The following HIRA variants were observed in gnomAD, a reference collection of about 807,000 sequenced individuals.
HIRA encodes histone cell cycle regulator, also known as protein HIRA.
Under a neutral mutation model 126.6 loss-of-function variants are expected in HIRA, and 13 were observed. The observed-to-expected ratio is 0.10, with a 90% CI of 0.07 to 0.16. The LOEUF is 0.16. Ranked by LOEUF, HIRA falls within the 10% of genes least tolerant of loss-of-function variation. The pLI, the probability that HIRA is intolerant of heterozygous loss-of-function variation, is 1.00. For synonymous variants in HIRA, 511 were observed against 520.0 expected (o/e 0.98, Z 0.24); for missense variants, 834 against 1,314.4 (o/e 0.63, Z 5.65).
At chr22:19,379,305 C>T (rs968328161) in intron 13 of HIRA, among the ~76,000 whole-genome samples, 1 of 151,522 alleles carries the variant, frequency 6.6e-6, no homozygotes, top group East Asian at 2.0e-4. Context: ...AGCCACCGTG[C>T]CCGGCCGGCA....
intron 24 of HIRA, among the ~76,000 whole-genome samples, chr22:19,344,625 CTA>C (rs782131310): frequency 6.6e-6 from 1 of 152,104 alleles, no homozygotes; most frequent in Non-Finnish European, 1.5e-5. Flanking sequence ...GGAACACTTC[CTA>C]TTTCATTCTA....
intron 9 of HIRA, 94 bp from the exon 10 acceptor site, chr22:19,388,648 A>G (rs1424652022): frequency 1.1e-6 from 1 of 914,110 alleles, no homozygotes; most frequent in African/African-American, 1.6e-5. Context: ...AGCCTGGGTC[A>G]AAGTGGCTGC....
intron 1 of HIRA, among the ~76,000 whole-genome samples, chr22:19,417,715 AAT>A (rs1248536219): frequency 6.6e-6 from 1 of 152,206 alleles, no homozygotes; most frequent in Non-Finnish European, 1.5e-5. Context: ...TCTTGTTAAA[AAT>A]ATAATTACCA....
intron 1 of HIRA, among the ~76,000 whole-genome samples, chr22:19,428,436 T>C (rs1433835012): frequency 6.6e-6 from 1 of 152,218 alleles, no homozygotes; most frequent in African/African-American, 2.4e-5. Flanking sequence ...CACAATTTTA[T>C]GGCCCAAAAT....
At chr22:19,399,358 T>G (rs1185573301) in intron 5 of HIRA, among the ~76,000 whole-genome samples, 1 of 152,184 alleles carries the variant, frequency 6.6e-6, no homozygotes, top group Non-Finnish European at 1.5e-5. Context: ...AACAGGTTTT[T>G]TTTTTTTTTT....
At chr22:19,336,438 A>G (rs2067539184) in intron 24 of HIRA, among the ~76,000 whole-genome samples, 2 of 152,248 alleles carry the variant, frequency 1.3e-5, no homozygotes, top group African/African-American at 4.8e-5. Flanking sequence ...TTAACTCAGG[A>G]CATTACAGCA....
intron 15 of HIRA, among the ~76,000 whole-genome samples, chr22:19,371,182 TC>T (rs1401449417): frequency 6.6e-6 from 1 of 152,208 alleles, no homozygotes; most frequent in Non-Finnish European, 1.5e-5. Context: ...ATCTGAGGTT[TC>T]TTCACCTTCT....
chr22:19,349,158 T>G (rs2088726517), intron 24 of HIRA, among the ~76,000 whole-genome samples: 1 of 150,584 alleles, frequency 6.6e-6, no homozygotes, highest in African/African-American at 2.5e-5. Context: ...CAGGATGGAG[T>G]GCAGTGGTGT....
chr22:19,331,346 C>G lies in HIRA; in HGVS notation c.*94G>C, dbSNP rs782178349. ...ACATCTCCTGCCAGTGTCTCCTCCC[C>G]CTACAGCCTGGTCAGGTGAGAGGCG... On this transcript the variant is annotated 3_prime_UTR_variant, in exon 25 of 25. Transcript: ENST00000263208. 20 of 1,601,572 alleles carry G rather than the reference C, an allele frequency of 1.2e-5. No homozygotes were observed. Among genetic ancestry groups the G allele is most frequent in the East Asian group, 6.7e-5 (3 of 44,772 alleles).
chr22:19,355,813 T>C lies in HIRA; in HGVS notation c.2508A>G (p.Val836=), dbSNP rs2088806477. Residue 836 remains valine, a synonymous_variant, in exon 21 of 25, where the codon GTA becomes GTG. Transcript: ENST00000263208. The part of the protein sequence containing the change: ...QILLTQHGIP[V]MNLSDGKAYC... ...ACGCCTTCCCATCGGACAGGTTCAT[T>C]ACTGGGATTCCATGCTGCGTCAGCA... 6.2e-7 allele frequency: 1 copy of C among 1,614,146 alleles called. No homozygotes were observed. The highest frequency in any genetic ancestry group is 1.3e-5 in the African/African-American group (1 of 75,062).
chr22:19,431,349 G>C (rs111805717), intron 1 of HIRA, 91 bp downstream of exon 1: 9 of 1,425,078 alleles, frequency 6.3e-6, no homozygotes, highest in Non-Finnish European at 8.8e-6. Context: ...CGTCAGGGGC[G>C]AGACAGGCAG....
At chr22:19,393,474 C>T (rs1486742677) in intron 8 of HIRA, among the ~76,000 whole-genome samples, 1 of 152,096 alleles carries the variant, frequency 6.6e-6, no homozygotes, top group African/African-American at 2.4e-5. Flanking sequence ...TCTCTTGCCT[C>T]GGCCTCCTGA....
rs1363047398 is a variant in HIRA at position 19,410,668 on chromosome 22, A to C, written c.100+48T>G. 2.2e-6 allele frequency: 3 copies of C among 1,380,654 alleles called. No individual in the cohort carries two copies. In the African/African-American group the frequency reaches 4.3e-5, roughly 20 times the overall value. The allele number at this position is 1,380,654 out of a possible 1,614,324, so 85.5% of individuals were successfully genotyped here. A position where few individuals can be genotyped will look rare whatever the true frequency, so the allele number is the denominator to read the frequency against. ...CTAAATGGACAGCAGGAGAAGAGCA[A>C]GGTGGCAGGGCTGTTAAGCTTTCCC... On this transcript the variant is annotated intron_variant, in intron 2 of 24. Transcript: ENST00000263208.
At chr22:19,365,281 C>A (rs1021298421) in intron 15 of HIRA, among the ~76,000 whole-genome samples, 1 of 152,210 alleles carries the variant, frequency 6.6e-6, no homozygotes, top group Non-Finnish European at 1.5e-5. Flanking sequence ...TAACACTAAA[C>A]AACAGATTGT....
chr22:19,385,974 T>C (rs1384136856), intron 11 of HIRA, among the ~76,000 whole-genome samples: 2 of 152,182 alleles, frequency 1.3e-5, no homozygotes, highest in African/African-American at 4.8e-5. Context: ...GGGATGACAG[T>C]AAATGAGACA....
intron 15 of HIRA, among the ~76,000 whole-genome samples, chr22:19,368,741 G>C (rs928250394): frequency 6.6e-6 from 1 of 152,276 alleles, no homozygotes; most frequent in African/African-American, 2.4e-5. Context: ...AAAATACAGC[G>C]AGAATGTCAC....
chr22:19,412,869 G>T lies in HIRA; in HGVS notation c.38-2091C>A, dbSNP rs569476649. On this transcript the variant is annotated intron_variant, in intron 1 of 24. Transcript: ENST00000263208. ...TGCCAGGCATTAGGCTAAGCAATGA[G>T]AAAGTAAAGATACATAATCATACAA... is the stretch of plus-strand genomic sequence containing the variant. Among the ~76,000 whole-genome samples the T allele has an allele frequency of 1.3e-4, 20 of 152,304 alleles. No individual in the cohort carries two copies. In the South Asian group the frequency reaches 4.1e-3, roughly 32 times the overall value.
At chr22:19,395,959 T>G (rs1488033312) in intron 7 of HIRA, among the ~76,000 whole-genome samples, 2 of 152,190 alleles carry the variant, frequency 1.3e-5, no homozygotes, top group East Asian at 3.8e-4. Context: ...GAGAAGCTAC[T>G]GCAGTCTGAT....
chr22:19,401,194 T>G (rs1175207141), intron 5 of HIRA, among the ~76,000 whole-genome samples: 3 of 152,152 alleles, frequency 2.0e-5, no homozygotes, highest in African/African-American at 7.2e-5. Flanking sequence ...GCACCCTCCA[T>G]GCTGTCAAGC....
Sources: allele counts gnomAD v4.1 joint callset (sites outside exome capture counted in the v4.1 genomes callset), GRCh38; gene constraint gnomAD v4.1.1; transcripts MANE v1.5; gene names NCBI Gene and HGNC (gene_info 2026-07-23, HGNC 2026-07-21).